TGFBR3: variants seen among roughly 807,000 people sequenced by gnomAD.
The protein encoded by TGFBR3 is transforming growth factor beta receptor type 3.
Under a neutral mutation model 87.9 loss-of-function variants are expected in TGFBR3, and 46 were observed. That is an observed-to-expected ratio of 0.52 (90% CI 0.41 to 0.67). The LOEUF (loss-of-function observed/expected upper bound fraction) is 0.67, where lower values mean the gene tolerates loss of function less well. TGFBR3 is among the 30% of genes least tolerant of loss of function. The pLI is 0.00. For missense variants in TGFBR3, 866 were observed against 1,041.9 expected, an observed-to-expected ratio of 0.83 and a Z score of 2.32; for synonymous variants, 381 against 391.6, an observed-to-expected ratio of 0.97 and a Z score of 0.32.
At position 91,826,014 on chromosome 1, in the gene TGFBR3, T is replaced by C. The variant is rs533940020; in HGVS notation, c.62-28543A>G. Among the ~76,000 whole-genome samples the C allele has an allele frequency of 3.9e-5, 6 of 152,116 alleles. No individual in the cohort carries two copies. In the East Asian group the frequency reaches 1.2e-3, roughly 29 times the overall value. ...AAATCCACTTGATTCAAGCAATGTT[T>C]GATAAAAGTTAAACACAAAGGAATA... On this transcript the variant is annotated intron_variant, in intron 2 of 16. Transcript: ENST00000212355.
chr1:91,750,416 A>G (rs1673496744), intron 4 of TGFBR3, among the ~76,000 whole-genome samples: 1 of 152,060 alleles, frequency 6.6e-6, no homozygotes. Flanking sequence ...AGGGCCAAAA[A>G]CTCCTATTCC....
At chr1:91,875,792 G>T (rs983278998) in intron 1 of TGFBR3, among the ~76,000 whole-genome samples, 5 of 57,800 alleles carry the variant, frequency 8.7e-5, no homozygotes, top group Non-Finnish European at 1.2e-4. Flanking sequence ...GGCGGGGGGG[G>T]GGGGTGGGAG....
chr1:91,772,737 G>A (rs1674426842), intron 3 of TGFBR3, among the ~76,000 whole-genome samples: 1 of 152,128 alleles, frequency 6.6e-6, no homozygotes, highest in African/African-American at 2.4e-5. Context: ...GTGAAAACAA[G>A]TTACCATTGT....
At chr1:91,758,884 G>C in intron 3 of TGFBR3, 134 bp from the exon 4 acceptor site, 1 of 1,103,124 alleles carries the variant, frequency 9.1e-7, no homozygotes, top group Non-Finnish European at 1.4e-6. Flanking sequence ...CAGATTCTAT[G>C]AATAAGATAC....
At chr1:91,866,011 G>A (rs182033291) in intron 1 of TGFBR3, among the ~76,000 whole-genome samples, 538 of 152,070 alleles carry the variant, frequency 3.5e-3, no homozygotes, top group Non-Finnish European at 4.5e-3. Flanking sequence ...AGATCCCCTG[G>A]GTTTATTTCT....
At chr1:91,742,362 G>C (rs1014757724) in intron 4 of TGFBR3, among the ~76,000 whole-genome samples, 6 of 152,160 alleles carry the variant, frequency 3.9e-5, no homozygotes, top group Admixed American at 1.3e-4. Flanking sequence ...ATGAAGCAAG[G>C]ACCCAATAAT....
intron 5 of TGFBR3, among the ~76,000 whole-genome samples, chr1:91,731,707 T>A (rs780354672): frequency 6.6e-5 from 10 of 152,250 alleles, no homozygotes; most frequent in Non-Finnish European, 1.2e-4. Context: ...CCTGGGATTG[T>A]GGCCGGCATA....
intron 2 of TGFBR3, among the ~76,000 whole-genome samples, chr1:91,815,517 G>C (rs537450567): frequency 1.3e-5 from 2 of 151,902 alleles, no homozygotes; most frequent in East Asian, 1.9e-4. Flanking sequence ...CCCACTTTAC[G>C]TTACAAAAAA....
At chr1:91,803,593 T>C (rs556289849) in intron 2 of TGFBR3, among the ~76,000 whole-genome samples, 2 of 152,050 alleles carry the variant, frequency 1.3e-5, no homozygotes, top group South Asian at 2.1e-4. Context: ...TATAAGCCAA[T>C]GTTATTTTGG....
At chr1:91,889,408 C>T (rs1679400253), upstream of TGFBR3, among the ~76,000 whole-genome samples, 1 of 152,096 alleles carries the variant, frequency 6.6e-6, no homozygotes, top group Non-Finnish European at 1.5e-5. Flanking sequence ...TCATCAGAAG[C>T]TTTATAGACT....
intron 2 of TGFBR3, 37 bp from the exon 3 acceptor site, chr1:91,797,508 C>G (rs1266876135): frequency 1.2e-6 from 2 of 1,613,458 alleles, no homozygotes; most frequent in Admixed American, 1.7e-5. Context: ...CACTCAGAAA[C>G]AGCAATTAAT....
chr1:91,829,737 G>C (rs1464998794), intron 2 of TGFBR3: 2 of 152,018 alleles, frequency 1.3e-5, no homozygotes, highest in Admixed American at 6.5e-5. Flanking sequence ...AGTTGTTCCA[G>C]ACAAGGGGTT....
At chr1:91,726,599 C>A (rs2100800259) in intron 7 of TGFBR3, among the ~76,000 whole-genome samples, 1 of 151,390 alleles carries the variant, frequency 6.6e-6, no homozygotes, top group South Asian at 2.1e-4. Flanking sequence ...GTGGTTTTGC[C>A]TGCTGCCTCT....
chr1:91,889,736 G>A (rs181007016), upstream of TGFBR3, among the ~76,000 whole-genome samples: 4 of 151,886 alleles, frequency 2.6e-5, no homozygotes, highest in East Asian at 1.9e-4. Flanking sequence ...GTGCAGCAGC[G>A]CGATCTCAGC....
At chr1:91,813,775 G>A (rs1169185205) in intron 2 of TGFBR3, among the ~76,000 whole-genome samples, 2 of 152,160 alleles carry the variant, frequency 1.3e-5, no homozygotes. Flanking sequence ...CAACCTTTTT[G>A]GCACCAGGGA....
rs747327054 is a variant in TGFBR3, at chr1:91,716,323, G to A, written c.1779C>T (p.Phe593=). 1.5e-5 allele frequency: 25 copies of A among 1,614,052 alleles called. No individual in the cohort carries two copies. The South Asian group carries it at 2.6e-4, about 17-fold the overall frequency. ...FQEQPHGNIT[F]NMELYNTDLF... ...GGTCAGTGTTGTATAGCTCCATGTT[G>A]AAGGTGATGTTTCCGTGGGGCTGTT... Residue 593 remains phenylalanine, a synonymous_variant, in exon 12 of 17, where the codon TTC becomes TTT. Coordinates refer to ENST00000212355, the MANE Select transcript of TGFBR3 (RefSeq NM_003243.5).
At chr1:91,747,483 G>A (rs773952202) in intron 4 of TGFBR3, among the ~76,000 whole-genome samples, 5 of 152,176 alleles carry the variant, frequency 3.3e-5, no homozygotes, top group East Asian at 1.9e-4. Context: ...GGAGAGGAAC[G>A]GAATGGAAGG....
intron 1 of TGFBR3, chr1:91,864,312 A>T (rs1343196176): frequency 1.3e-5 from 2 of 152,268 alleles, no homozygotes; most frequent in Admixed American, 6.5e-5. Context: ...GTTCCATTAA[A>T]AATATAGGCT....
At chr1:91,739,232 CAGG>C (rs926208577) in intron 4 of TGFBR3, among the ~76,000 whole-genome samples, 2 of 152,018 alleles carry the variant, frequency 1.3e-5, no homozygotes, top group Non-Finnish European at 2.9e-5. Flanking sequence ...AGACAAAAAG[CAGG>C]AGATCATTAG....
Sources: gnomAD v4.1 joint callset for allele counts (sites outside exome capture counted in the v4.1 genomes callset) on GRCh38, gnomAD v4.1.1 for gene constraint, MANE v1.5 for transcripts, NCBI Gene and HGNC (gene_info 2026-07-23, HGNC 2026-07-21) for gene names.